Variants in SEC31A observed in about 807,000 individuals in gnomAD.
The protein encoded by SEC31A is protein transport protein Sec31A.
SEC31A carries 70 observed loss-of-function variants against 151.0 expected under a neutral mutation model. That is an observed-to-expected ratio of 0.46 (90% CI 0.38 to 0.57). SEC31A has a LOEUF of 0.57. Among genes scored for constraint, SEC31A ranks in the 20% least tolerant of loss-of-function variants. SEC31A has a pLI of 0.00. For missense variants in SEC31A, 1,330 were observed against 1,471.2 expected (o/e 0.90, Z 1.57); for synonymous variants, 475 against 505.9 (o/e 0.94, Z 0.82).
chr4:82,852,555 C>T (rs190394965), intron 18 of SEC31A, among the ~76,000 whole-genome samples: 2 of 150,146 alleles, frequency 1.3e-5, no homozygotes, highest in African/African-American at 2.5e-5. Flanking sequence ...CTCTGAGAAG[C>T]TCTTAAAAGG....
intron 22 of SEC31A, among the ~76,000 whole-genome samples, chr4:82,830,496 G>T (rs1458194600): frequency 1.3e-5 from 2 of 152,072 alleles, no homozygotes; most frequent in Non-Finnish European, 2.9e-5. Context: ...AATAAAAACA[G>T]AATTCATTTC....
chr4:82,882,752 A>G (rs1295266765), intron 1 of SEC31A, among the ~76,000 whole-genome samples: 2 of 152,230 alleles, frequency 1.3e-5, no homozygotes, highest in Non-Finnish European at 2.9e-5. Context: ...TAAAGTAGAA[A>G]TTATTAGAAA....
chr4:82,827,516 G>T lies in SEC31A; in HGVS notation c.3144C>A (p.Ser1048Arg). The change falls in exon 24 of 27, where the codon AGC becomes AGA. Residue 1048 changes from serine to arginine, a missense_variant. By Grantham distance (110) the Ser-to-Arg change is moderately radical. Transcript: ENST00000395310. ...GATGTGGCTGTGGGAATGAAGACTG[G>T]CTTGACAGTGGTACTGGAGCTGAAG... is the stretch of plus-strand genomic sequence containing the variant. ...QQPSAPVPLS[S>R]QSSFPQPHLP... 6.2e-7 allele frequency: 1 copy of T among 1,614,210 alleles called. No homozygotes were observed.
intron 22 of SEC31A, among the ~76,000 whole-genome samples, chr4:82,829,950 T>C (rs1003660846): frequency 6.6e-6 from 1 of 152,196 alleles, no homozygotes; most frequent in East Asian, 1.9e-4. Context: ...ATATTCTCTA[T>C]AAGGAAGCAG....
At chr4:82,821,726 T>C (rs2148911035) in intron 25 of SEC31A, among the ~76,000 whole-genome samples, 1 of 152,156 alleles carries the variant, frequency 6.6e-6, no homozygotes, top group African/African-American at 2.4e-5. Flanking sequence ...ATAAGGTATA[T>C]ATGCATGTTT....
At chr4:82,834,965 C>A (rs1446156602) in intron 22 of SEC31A, among the ~76,000 whole-genome samples, 1 of 152,170 alleles carries the variant, frequency 6.6e-6, no homozygotes, top group Non-Finnish European at 1.5e-5. Flanking sequence ...CCTGCCTTAG[C>A]CTCCTGAGTA....
At chr4:82,828,326 G>C (rs1460093764) in intron 23 of SEC31A, among the ~76,000 whole-genome samples, 1 of 152,168 alleles carries the variant, frequency 6.6e-6, no homozygotes, top group Admixed American at 6.5e-5. Flanking sequence ...TACCTAAGTA[G>C]ACATTATTTG....
chr4:82,819,298 A>G (rs1195173171), intron 26 of SEC31A, 45 bp from the exon 27 acceptor site: 2 of 1,422,436 alleles, frequency 1.4e-6, no homozygotes, highest in Non-Finnish European at 1.9e-6. Flanking sequence ...TTAAGGGATA[A>G]CTTCCCATGA....
intron 20 of SEC31A, chr4:82,845,137 G>T: frequency 9.2e-7 from 1 of 1,085,038 alleles, no homozygotes; most frequent in Non-Finnish European, 1.3e-6. Context: ...GGTAAGTAGA[G>T]AACATATAAC....
intron 26 of SEC31A, among the ~76,000 whole-genome samples, chr4:82,820,811 G>T (rs1723154697): frequency 6.6e-6 from 1 of 151,826 alleles, no homozygotes; most frequent in South Asian, 2.1e-4. Context: ...GTTATGAGAG[G>T]GTTAAAATGT....
chr4:82,833,739 C>T (rs1195890548), intron 22 of SEC31A, among the ~76,000 whole-genome samples: 3 of 152,046 alleles, frequency 2.0e-5, no homozygotes, highest in Admixed American at 6.6e-5. Flanking sequence ...ACATATAACT[C>T]ATGTGGATTC....
intron 22 of SEC31A, among the ~76,000 whole-genome samples, chr4:82,840,957 C>T (rs1340665848): frequency 1.3e-5 from 2 of 152,144 alleles, no homozygotes; most frequent in Non-Finnish European, 2.9e-5. Context: ...TTTATAAACA[C>T]TACATTTAGG....
intron 10 of SEC31A, among the ~76,000 whole-genome samples, chr4:82,866,341 C>T (rs969693447): frequency 2.0e-5 from 3 of 152,134 alleles, no homozygotes; most frequent in South Asian, 2.1e-4. Flanking sequence ...TGTGGTGGCA[C>T]GTGCTTGTAA....
At chr4:82,836,324 G>A (rs1401253281) in intron 22 of SEC31A, among the ~76,000 whole-genome samples, 1 of 135,326 alleles carries the variant, frequency 7.4e-6, no homozygotes, top group Admixed American at 8.2e-5. Context: ...AGTGAGCCGA[G>A]ATCGCCCCAC....
intron 22 of SEC31A, among the ~76,000 whole-genome samples, chr4:82,839,116 G>A (rs1408656031): frequency 6.6e-6 from 1 of 151,592 alleles, no homozygotes; most frequent in Non-Finnish European, 1.5e-5. Flanking sequence ...AGCTGGGATT[G>A]TAGGCGCCCG....
Position 82,891,124 on chromosome 4 carries a change from T to A in SEC31A, c.-41A>T. 2 of 1,535,930 alleles carry A rather than the reference T, an allele frequency of 1.3e-6. No individual in the cohort carries two copies. Among genetic ancestry groups the A allele is most frequent in the Non-Finnish European group, 1.7e-6 (2 of 1,146,772 alleles). On this transcript the variant is annotated 5_prime_UTR_variant, in exon 1 of 27. Transcript: ENST00000395310. The stretch of plus-strand genomic sequence containing the variant: ...CTTCGGCAGCCGGATCCTGCGTTAG[T>A]GCAGCGCTCGTCGGACTCTCCCAGC...
At chr4:82,836,372 C>CAAA (rs70943158) in intron 22 of SEC31A, among the ~76,000 whole-genome samples, 25 of 62,000 alleles carry the variant, frequency 4.0e-4, no homozygotes, top group African/African-American at 9.6e-4. Flanking sequence ...GACTCCATCT[C>CAAA]AAAAAAAAAA....
chr4:82,824,970 A>T (rs372771010), intron 24 of SEC31A, among the ~76,000 whole-genome samples: 5 of 152,236 alleles, frequency 3.3e-5, no homozygotes, highest in Admixed American at 3.3e-4. Context: ...CTGATGGGAA[A>T]TAAGTATGTG....
chr4:82,876,067 T>G (rs1737842423), intron 4 of SEC31A, among the ~76,000 whole-genome samples: 1 of 151,968 alleles, frequency 6.6e-6, no homozygotes, highest in Non-Finnish European at 1.5e-5. Flanking sequence ...CAAATTAATT[T>G]TAATGCAAGA....
Sources: allele counts gnomAD v4.1 joint callset (sites outside exome capture counted in the v4.1 genomes callset), GRCh38; gene constraint gnomAD v4.1.1; transcripts MANE v1.5; gene names NCBI Gene and HGNC (gene_info 2026-07-23, HGNC 2026-07-21).